Variants in CTNNA3 observed in about 807,000 individuals in gnomAD.
CTNNA3 encodes catenin alpha-3.
Under a neutral mutation model 95.7 loss-of-function variants are expected in CTNNA3, and 76 were observed. That is an observed-to-expected ratio of 0.79 (90% confidence interval 0.66 to 0.96). The LOEUF is 0.96. CTNNA3 is among the 40% of genes least tolerant of loss of function. The pLI, the probability that CTNNA3 is intolerant of heterozygous loss-of-function variation, is 0.00. For missense variants in CTNNA3, 1,191 were observed against 1,089.8 expected (o/e 1.09, Z -1.31); for synonymous variants, 431 against 374.4 (o/e 1.15, Z -1.74).
intron 6 of CTNNA3, among the ~76,000 whole-genome samples, chr10:67,198,445 T>A (rs552575252): frequency 6.6e-6 from 1 of 152,174 alleles, no homozygotes; most frequent in East Asian, 1.9e-4. Flanking sequence ...TGAGTCACAG[T>A]GTGGAAGGAC....
chr10:67,220,172 G>A (rs966563222), intron 5 of CTNNA3, among the ~76,000 whole-genome samples: 1 of 152,068 alleles, frequency 6.6e-6, no homozygotes, highest in Admixed American at 6.6e-5. Flanking sequence ...AAAATACTCT[G>A]GCATTCACAT....
chr10:67,146,859 G>A (rs959458899), intron 7 of CTNNA3, among the ~76,000 whole-genome samples: 1 of 152,024 alleles, frequency 6.6e-6, no homozygotes, highest in Non-Finnish European at 1.5e-5. Context: ...TTTTTACTGG[G>A]CCTATATCTA....
At chr10:66,769,605 T>C (rs1181365865) in intron 8 of CTNNA3, among the ~76,000 whole-genome samples, 4 of 152,216 alleles carry the variant, frequency 2.6e-5, no homozygotes, top group Admixed American at 2.0e-4. Flanking sequence ...TTGTGTCTCT[T>C]TGTTATTCTA....
intron 12 of CTNNA3, among the ~76,000 whole-genome samples, chr10:66,339,958 G>T (rs140984110): frequency 6.6e-6 from 1 of 151,650 alleles, no homozygotes; most frequent in Non-Finnish European, 1.5e-5. Context: ...AAATACAGCC[G>T]AGTGGATGGA....
At chr10:65,947,591 C>T (rs989105607) in intron 17 of CTNNA3, among the ~76,000 whole-genome samples, 1 of 152,116 alleles carries the variant, frequency 6.6e-6, no homozygotes, top group Admixed American at 6.5e-5. Context: ...TGATGGAGGC[C>T]TCATTAGTGA....
rs551495645 is a variant in CTNNA3, at chr10:66,473,784, T to C, written c.1531+46833A>G. ...TGCGGTGTTTGGTTTTTTGTCCTTG[T>C]GATAGTTTGCTGAGAATGATGGTTT... On this transcript the variant is annotated intron_variant, in intron 11 of 17. Transcript: ENST00000433211. 4.7e-3 allele frequency among the ~76,000 whole-genome samples: 713 copies of C among 152,068 alleles called. 4 individuals carry two copies. The highest frequency in any genetic ancestry group is 0.016 in the African/African-American group (671 of 41,494).
intron 14 of CTNNA3, among the ~76,000 whole-genome samples, chr10:66,086,498 A>T (rs960993657): frequency 3.9e-5 from 6 of 152,082 alleles, no homozygotes; most frequent in African/African-American, 1.2e-4. Flanking sequence ...AATTTTTTTT[A>T]AAAAGTAGCA....
rs80078525 is a variant in CTNNA3 at position 67,253,134 on chromosome 10, C to T, written c.580-33264G>A. Among the ~76,000 whole-genome samples the T allele has an allele frequency of 6.6e-3, 1,005 of 152,116 alleles. 8 individuals carry two copies. The highest frequency in any genetic ancestry group is 0.019 in the African/African-American group (794 of 41,494). ...TCTTGTGCTTTGGGGCCATGTTAAG[C>T]AAAATAAGGATTACTTACACACAAA... On this transcript the variant is annotated intron_variant, in intron 5 of 17. Transcript: ENST00000433211.
chr10:67,375,644 C>CAATA (rs1462248110), intron 5 of CTNNA3, among the ~76,000 whole-genome samples: 1 of 151,974 alleles, frequency 6.6e-6, no homozygotes, highest in East Asian at 1.9e-4. Flanking sequence ...ACATCTCACA[C>CAATA]AATAATTATT....
intron 11 of CTNNA3, among the ~76,000 whole-genome samples, chr10:66,389,728 A>ATG (rs2092921354): frequency 4.2e-5 from 1 of 24,044 alleles, no homozygotes; most frequent in African/African-American, 4.7e-4. Flanking sequence ...ATATATGGAG[A>ATG]GAGAGAGAGA....
At chr10:67,240,336 C>A (rs1305037016) in intron 5 of CTNNA3, among the ~76,000 whole-genome samples, 1 of 152,116 alleles carries the variant, frequency 6.6e-6, no homozygotes, top group East Asian at 1.9e-4. Flanking sequence ...GCTTCATGTT[C>A]TATTAGGAAA....
intron 10 of CTNNA3, among the ~76,000 whole-genome samples, chr10:66,540,504 C>T (rs930669946): frequency 1.3e-5 from 2 of 152,036 alleles, no homozygotes; most frequent in African/African-American, 4.8e-5. Flanking sequence ...TGTAATGAGT[C>T]AAAAACTGAA....
chr10:66,309,685 C>CAAAAAAAAAAAAAAAAAA (rs60400266), intron 12 of CTNNA3, among the ~76,000 whole-genome samples: 19 of 41,778 alleles, frequency 4.5e-4, no homozygotes, highest in Non-Finnish European at 7.3e-4. Context: ...GACTCCGTCT[C>CAAAAAAAAAAAAAAAAAA]AAAAAAAAAA....
chr10:66,695,272 G>A (rs1390396633), intron 9 of CTNNA3, among the ~76,000 whole-genome samples: 1 of 152,136 alleles, frequency 6.6e-6, no homozygotes, highest in East Asian at 1.9e-4. Flanking sequence ...CACCATGGCT[G>A]GGAAATAAAA....
At chr10:66,741,895 C>T (rs1849337290) in intron 9 of CTNNA3, among the ~76,000 whole-genome samples, 1 of 151,934 alleles carries the variant, frequency 6.6e-6, no homozygotes, top group Non-Finnish European at 1.5e-5. Flanking sequence ...CCGTCATCTT[C>T]ATAAGCTGAG....
chr10:66,645,379 T>G (rs1254867541), intron 9 of CTNNA3, among the ~76,000 whole-genome samples: 1 of 152,340 alleles, frequency 6.6e-6, no homozygotes, highest in South Asian at 2.1e-4. Flanking sequence ...TTTGAGTTTA[T>G]TTTTGTGTAC....
At chr10:66,275,007 C>T (rs1178387774) in intron 13 of CTNNA3, among the ~76,000 whole-genome samples, 1 of 152,056 alleles carries the variant, frequency 6.6e-6, no homozygotes, top group Non-Finnish European at 1.5e-5. Context: ...ATATAGTCTA[C>T]TTTATAAATA....
intron 13 of CTNNA3, among the ~76,000 whole-genome samples, chr10:66,147,710 G>GT (rs2133897262): frequency 7.0e-6 from 1 of 143,804 alleles, no homozygotes; most frequent in South Asian, 2.2e-4. Flanking sequence ...TTTTATACCT[G>GT]TAAGATACGT....
chr10:66,651,613 G>A (rs1052545528), intron 9 of CTNNA3, among the ~76,000 whole-genome samples: 5 of 151,930 alleles, frequency 3.3e-5, no homozygotes, highest in African/African-American at 9.7e-5. Flanking sequence ...TGCCCTGCTG[G>A]GAGACGGCTG....
Sources: allele counts gnomAD v4.1 joint callset (sites outside exome capture counted in the v4.1 genomes callset), GRCh38; gene constraint gnomAD v4.1.1; transcripts MANE v1.5; gene names NCBI Gene and HGNC (gene_info 2026-07-23, HGNC 2026-07-21).